The following SH3GL2 variants were observed in gnomAD, a reference collection of about 807,000 sequenced individuals.
SH3GL2 encodes the protein SH3 domain containing GRB2 like 2, endophilin A1.
A neutral mutation model predicts 46.0 loss-of-function variants in SH3GL2; 24 were observed. The observed-to-expected ratio is 0.52, with a 90% CI of 0.38 to 0.73. The LOEUF (loss-of-function observed/expected upper bound fraction) is 0.73. Among genes scored for constraint, SH3GL2 ranks in the 30% least tolerant of loss-of-function variants. The pLI, the probability that SH3GL2 is intolerant of heterozygous loss-of-function variation, is 0.00. For synonymous variants in SH3GL2, 196 were observed against 147.1 expected, an observed-to-expected ratio of 1.33 and a Z score of -2.40; for missense variants, 413 against 424.2, an observed-to-expected ratio of 0.97 and a Z score of 0.23.
intron 2 of SH3GL2, among the ~76,000 whole-genome samples, chr9:17,755,075 G>A (rs1174487369): frequency 2.0e-5 from 3 of 152,150 alleles, no homozygotes; most frequent in East Asian, 1.9e-4. Context: ...GTTTTCAGGG[G>A]AAATGCTTCC....
At chr9:17,657,682 C>G (rs192198747) in intron 1 of SH3GL2, among the ~76,000 whole-genome samples, 1 of 151,950 alleles carries the variant, frequency 6.6e-6, no homozygotes, top group South Asian at 2.1e-4. Flanking sequence ...GGCACTCACT[C>G]TGTGATTTGG....
rs1192417418 is a variant in SH3GL2, at chr9:17,738,571, T to TACATATGTGTGTGTGTATATACATAC, written c.46-8494_46-8493insCATATGTGTGTGTGTATATACATACA. On this transcript the variant is annotated intron_variant, in intron 1 of 8. Transcript: ENST00000380607. Reference sequence around the variant, plus strand: ...GTGTGTGTGTATATACATACATATATATATAGAGAGAGAGAGAGAGAGAAT... The same window carrying TACATATGTGTGTGTGTATATACATAC: ...GTGTGTGTGTATATACATACATATATACATATGTGTGTGTGTATATACATACATATAGAGAGAGAGAGAGAGAGAAT... Among the ~76,000 whole-genome samples, 37 of 67,082 alleles carry TACATATGTGTGTGTGTATATACATAC rather than the reference T, an allele frequency of 5.5e-4. 1 individual carries two copies. The highest frequency in any genetic ancestry group is 1.5e-3 in the African/African-American group (36 of 23,314). 44.0% of individuals were successfully genotyped at this position (67,082 alleles called of 152,430 possible). A position where few individuals can be genotyped will look rare whatever the true frequency, so the allele number is the denominator to read the frequency against.
intron 1 of SH3GL2, among the ~76,000 whole-genome samples, chr9:17,613,853 C>T (rs1444603311): frequency 2.6e-5 from 4 of 152,096 alleles, no homozygotes; most frequent in Non-Finnish European, 5.9e-5. Flanking sequence ...TTCCTTTTTC[C>T]CCTTCCCTCC....
intron 1 of SH3GL2, among the ~76,000 whole-genome samples, chr9:17,593,598 C>T (rs530038732): frequency 6.6e-6 from 1 of 152,242 alleles, no homozygotes; most frequent in Non-Finnish European, 1.5e-5. Flanking sequence ...TGGCCCTTCC[C>T]ATACATAATT....
intron 1 of SH3GL2, among the ~76,000 whole-genome samples, chr9:17,585,925 T>G (rs1818368686): frequency 6.6e-6 from 1 of 152,196 alleles, no homozygotes; most frequent in Non-Finnish European, 1.5e-5. Flanking sequence ...GTTTTTGGTT[T>G]AGAATTTATT....
intron 1 of SH3GL2, among the ~76,000 whole-genome samples, chr9:17,655,819 T>A (rs1376209287): frequency 6.6e-6 from 1 of 152,194 alleles, no homozygotes; most frequent in Non-Finnish European, 1.5e-5. Context: ...ACCCTACTCA[T>A]CCCTGCATGC....
chr9:17,735,435 T>G (rs1822304140), intron 1 of SH3GL2, among the ~76,000 whole-genome samples: 1 of 152,178 alleles, frequency 6.6e-6, no homozygotes, highest in African/African-American at 2.4e-5. Context: ...AGATTTGTAT[T>G]TATGTAAGAG....
rs114483682 is a variant in SH3GL2, at chr9:17,733,022, C to T, written c.46-14044C>T. On this transcript the variant is annotated intron_variant, in intron 1 of 8. Coordinates refer to ENST00000380607, the MANE Select transcript of SH3GL2 (RefSeq NM_003026.5). ...CTCCCCACGTCCTTGGCAGTTCTTACTGCTGCTGCCTTCCCCACTCTTCAG... is the reference window on the plus strand; with the variant it reads ...CTCCCCACGTCCTTGGCAGTTCTTATTGCTGCTGCCTTCCCCACTCTTCAG... 5.0e-3 allele frequency among the ~76,000 whole-genome samples: 756 copies of T among 152,182 alleles called. 5 individuals are homozygous for T. The highest frequency in any genetic ancestry group is 0.017 in the African/African-American group (716 of 41,548).
At chr9:17,699,153 C>CAAAAA (rs3084657) in intron 1 of SH3GL2, among the ~76,000 whole-genome samples, 7 of 86,446 alleles carry the variant, frequency 8.1e-5, no homozygotes, top group Admixed American at 1.3e-4. Flanking sequence ...GACTCTGTCT[C>CAAAAA]AAAAAAAAAA....
intron 1 of SH3GL2, among the ~76,000 whole-genome samples, chr9:17,665,104 G>T (rs1020406060): frequency 4.6e-5 from 7 of 151,932 alleles, no homozygotes; most frequent in African/African-American, 1.7e-4. Flanking sequence ...TGTCTCCCTC[G>T]TACACAAACT....
chr9:17,598,157 A>G (rs1055255119), intron 1 of SH3GL2, among the ~76,000 whole-genome samples: 5 of 152,200 alleles, frequency 3.3e-5, no homozygotes, highest in South Asian at 2.1e-4. Flanking sequence ...AAGGTTGTCT[A>G]TGAGGTGCAG....
chr9:17,734,281 A>G (rs554609600), intron 1 of SH3GL2, among the ~76,000 whole-genome samples: 84 of 152,200 alleles, frequency 5.5e-4, no homozygotes, highest in African/African-American at 2.0e-3. Context: ...GCATTTTGGA[A>G]GTTTACAGTC....
At position 17,604,015 on chromosome 9, in the gene SH3GL2, T is replaced by C. The variant is rs192508206; in HGVS notation, c.45+24728T>C. Among the ~76,000 whole-genome samples, 3 of 152,334 alleles carry C rather than the reference T, an allele frequency of 2.0e-5. No homozygotes were observed. In the East Asian group the frequency reaches 5.8e-4, roughly 29 times the overall value. On this transcript the variant is annotated intron_variant, in intron 1 of 8. Transcript: ENST00000380607. ...GAAAAAAGGGTGAGTCAGTCTCCGA[T>C]ATGTTGTTTTTAGTTTCTGGTCATG...
At chr9:17,670,980 C>G (rs1220833197) in intron 1 of SH3GL2, among the ~76,000 whole-genome samples, 1 of 152,104 alleles carries the variant, frequency 6.6e-6, no homozygotes, top group Non-Finnish European at 1.5e-5. Flanking sequence ...AGGCTGCTGG[C>G]CTGGGACCAC....
chr9:17,619,441 G>A (rs1277461887), intron 1 of SH3GL2, among the ~76,000 whole-genome samples: 1 of 152,218 alleles, frequency 6.6e-6, no homozygotes, highest in Non-Finnish European at 1.5e-5. Context: ...ACTTTGGGAG[G>A]CTGAGCCAGG....
intron 1 of SH3GL2, among the ~76,000 whole-genome samples, chr9:17,650,405 T>C (rs1471473619): frequency 6.6e-6 from 1 of 152,174 alleles, no homozygotes; most frequent in Non-Finnish European, 1.5e-5. Flanking sequence ...GGAGTCTCGC[T>C]CTGTCACCCA....
At position 17,579,207 on chromosome 9, in the gene SH3GL2, TC is replaced by T; in HGVS notation, c.-33del. ...CTCCAGTCCCCCTCCGCCTCCTCCC[TC>T]CCGCACAGCAGCCGCCAGCGCGGCC... On this transcript the variant is annotated 5_prime_UTR_variant, in exon 1 of 9. Coordinates refer to ENST00000380607, the MANE Select transcript of SH3GL2 (RefSeq NM_003026.5). 6.6e-7 allele frequency: 1 copy of T among 1,509,050 alleles called. No individual in the cohort carries two copies. 93.5% of individuals were successfully genotyped at this position (1,509,050 alleles called of 1,614,324 possible). A position where few individuals can be genotyped will look rare whatever the true frequency, so the allele number is the denominator to read the frequency against.
intron 1 of SH3GL2, among the ~76,000 whole-genome samples, chr9:17,582,999 C>T (rs149141773): frequency 6.6e-6 from 1 of 152,308 alleles, no homozygotes; most frequent in East Asian, 1.9e-4. Flanking sequence ...ATGATTTTAT[C>T]TTAAATAATT....
intron 3 of SH3GL2, among the ~76,000 whole-genome samples, chr9:17,768,000 G>T (rs1823365261): frequency 6.6e-6 from 1 of 152,162 alleles, no homozygotes; most frequent in African/African-American, 2.4e-5. Context: ...TTTTAAGTCA[G>T]CTAGAACTGG....
Sources: allele counts gnomAD v4.1 joint callset (sites outside exome capture counted in the v4.1 genomes callset), GRCh38; gene constraint gnomAD v4.1.1; transcripts MANE v1.5; gene names NCBI Gene and HGNC (gene_info 2026-07-23, HGNC 2026-07-21).